Variants in LUZP1 observed in about 807,000 individuals in gnomAD.
LUZP1 encodes leucine zipper protein 1, also known as filamin mechanobinding actin cross-linking protein.
Under a neutral mutation model 71.3 loss-of-function variants are expected in LUZP1, and 25 were observed. The observed-to-expected ratio is 0.35, with a 90% CI of 0.26 to 0.49. The LOEUF (loss-of-function observed/expected upper bound fraction) is 0.49, where lower values mean the gene tolerates loss of function less well. Ranked by LOEUF, LUZP1 falls within the 20% of genes least tolerant of loss-of-function variation. The pLI is 0.99. For missense variants in LUZP1, 1,142 were observed against 1,300.8 expected (o/e 0.88, Z 1.88); for synonymous variants, 481 against 506.4 (o/e 0.95, Z 0.67).
intron 3 of LUZP1, among the ~76,000 whole-genome samples, chr1:23,103,495 G>A (rs1319799348): frequency 1.3e-5 from 2 of 151,996 alleles, no homozygotes; most frequent in Non-Finnish European, 2.9e-5. Flanking sequence ...CCCACTCAAT[G>A]CGGACGTTAT....
At position 23,142,141 on chromosome 1, in the gene LUZP1, C is replaced by T. The variant is rs972435857; in HGVS notation, c.-226+26625G>A. Among the ~76,000 whole-genome samples, 67 of 151,402 alleles carry T rather than the reference C, an allele frequency of 4.4e-4. 1 individual carries two copies. The highest frequency in any genetic ancestry group is 3.8e-3 in the Admixed American group (57 of 15,192). On this transcript the variant is annotated intron_variant, in intron 2 of 4. Transcript: ENST00000302291. The stretch of plus-strand genomic sequence containing the variant: ...GATTACAGGCATGAGCCACCGCATC[C>T]GGCAAAAGCCCAGCTAATTTTTAAA...
At chr1:23,117,529 G>GCGGGGGA (rs371517574) in intron 2 of LUZP1, among the ~76,000 whole-genome samples, 3,835 of 85,590 alleles carry the variant, frequency 0.045, 312 homozygotes, top group Non-Finnish European at 0.061. Context: ...CGGGGGGGGG[G>GCGGGGGA]AACACCTTGA....
At chr1:23,150,503 C>G (rs897232500) in intron 2 of LUZP1, among the ~76,000 whole-genome samples, 1 of 152,068 alleles carries the variant, frequency 6.6e-6, no homozygotes, top group African/African-American at 2.4e-5. Flanking sequence ...AAATTAAGAA[C>G]TTAGGACTTT....
intron 2 of LUZP1, among the ~76,000 whole-genome samples, chr1:23,114,346 TA>T (rs1644059698): frequency 6.6e-6 from 1 of 152,166 alleles, no homozygotes; most frequent in Admixed American, 6.5e-5. Flanking sequence ...GGAAGGATTT[TA>T]ATAATTTTTC....
At chr1:23,127,390 T>A (rs555297037) in intron 2 of LUZP1, among the ~76,000 whole-genome samples, 1 of 152,204 alleles carries the variant, frequency 6.6e-6, no homozygotes, top group African/African-American at 2.4e-5. Flanking sequence ...TTCCACCCTC[T>A]GCACTAAGCC....
chr1:23,136,463 C>T (rs778433525), intron 2 of LUZP1, among the ~76,000 whole-genome samples: 14 of 152,078 alleles, frequency 9.2e-5, no homozygotes, highest in South Asian at 8.3e-4. Flanking sequence ...ATAACATGTG[C>T]CCCCCAGGAC....
intron 4 of LUZP1, 126 bp downstream of exon 3, chr1:23,091,064 A>AG: frequency 9.6e-7 from 1 of 1,043,144 alleles, no homozygotes; most frequent in Non-Finnish European, 1.4e-6. Context: ...CAGTTCTCTA[A>AG]GGAACCCAGT....
chr1:23,113,829 G>A (rs1278044677), intron 2 of LUZP1, among the ~76,000 whole-genome samples: 1 of 150,804 alleles, frequency 6.6e-6, no homozygotes, highest in East Asian at 2.0e-4. Flanking sequence ...GCAGTGAGCC[G>A]AGATTCAGCT....
chr1:23,163,237 CAAAAAAA>C (rs36097785), intron 2 of LUZP1, among the ~76,000 whole-genome samples: 1 of 45,172 alleles, frequency 2.2e-5, no homozygotes, highest in Non-Finnish European at 4.5e-5. Context: ...GAGACTCTCT[CAAAAAAA>C]AAAAAAAAAA....
chr1:23,158,692 C>T (rs1303358832), intron 2 of LUZP1, among the ~76,000 whole-genome samples: 1 of 139,550 alleles, frequency 7.2e-6, no homozygotes, highest in Non-Finnish European at 1.5e-5. Flanking sequence ...TGGGTCCAGG[C>T]ATGGTGGCTC....
intron 2 of LUZP1, among the ~76,000 whole-genome samples, chr1:23,145,384 T>C (rs1017248808): frequency 3.3e-5 from 5 of 152,144 alleles, no homozygotes; most frequent in African/African-American, 1.2e-4. Context: ...ATATTTATTG[T>C]GTTTGTTTTG....
intron 2 of LUZP1, among the ~76,000 whole-genome samples, chr1:23,137,858 A>C (rs1162092928): frequency 1.3e-5 from 2 of 152,262 alleles, no homozygotes; most frequent in African/African-American, 4.8e-5. Context: ...TAGGAATTAC[A>C]TCCCCAAAAA....
chr1:23,143,264 C>A (rs769339366), intron 2 of LUZP1, among the ~76,000 whole-genome samples: 7 of 152,148 alleles, frequency 4.6e-5, no homozygotes, highest in Non-Finnish European at 1.0e-4. Flanking sequence ...GCCTAAGCCT[C>A]CCAAAGTGCT....
At chr1:23,128,228 C>A (rs9426689) in intron 2 of LUZP1, among the ~76,000 whole-genome samples, 23,175 of 150,654 alleles carry the variant, frequency 0.15, 2,086 homozygotes, top group South Asian at 0.32. Context: ...AAAAAAAAAA[C>A]AAACTGGGTT....
chr1:23,132,706 G>A (rs1342267851), intron 2 of LUZP1, among the ~76,000 whole-genome samples: 2 of 152,058 alleles, frequency 1.3e-5, no homozygotes, highest in African/African-American at 2.4e-5. Context: ...GATATATATA[G>A]AGACACAGAT....
chr1:23,168,600 C>T (rs1404076480), intron 2 of LUZP1, among the ~76,000 whole-genome samples, 166 bp downstream of exon 1: 1 of 129,358 alleles, frequency 7.7e-6, no homozygotes, highest in African/African-American at 3.2e-5. Flanking sequence ...AAAATCCATT[C>T]CAACTCTCCC....
chr1:23,122,062 G>T (rs942270765), intron 2 of LUZP1, among the ~76,000 whole-genome samples: 2 of 151,942 alleles, frequency 1.3e-5, no homozygotes, highest in Non-Finnish European at 2.9e-5. Flanking sequence ...AAGACTTTAA[G>T]TAATTGACAT....
intron 1 of LUZP1, among the ~76,000 whole-genome samples, chr1:23,173,098 G>C (rs1644561756): frequency 6.6e-6 from 1 of 151,204 alleles, no homozygotes; most frequent in African/African-American, 2.4e-5. Flanking sequence ...TAGGATTACA[G>C]GTGTGAGCCA....
At chr1:23,150,199 G>C (rs995919526) in intron 2 of LUZP1, among the ~76,000 whole-genome samples, 4 of 152,056 alleles carry the variant, frequency 2.6e-5, no homozygotes, top group Non-Finnish European at 4.4e-5. Flanking sequence ...GATCCATGTG[G>C]ATCCTGGAAG....
Sources: allele counts gnomAD v4.1 joint callset (sites outside exome capture counted in the v4.1 genomes callset), GRCh38; gene constraint gnomAD v4.1.1; transcripts MANE v1.5; gene names NCBI Gene and HGNC (gene_info 2026-07-23, HGNC 2026-07-21).